Variants in DMD observed in about 807,000 individuals in gnomAD.
The protein encoded by DMD is dystrophin, also known as mutant dystrophin.
A neutral mutation model predicts 330.1 loss-of-function variants in DMD; 63 were observed. The ratio of observed to expected loss-of-function variants is 0.19; its 90% CI spans 0.16 to 0.24. The LOEUF (loss-of-function observed/expected upper bound fraction) is 0.24. Ranked by LOEUF, DMD falls within the 10% of genes least tolerant of loss-of-function variation. The pLI, the probability that DMD is intolerant of heterozygous loss-of-function variation, is 1.00. For missense variants in DMD, 3,344 were observed against 2,684.1 expected (o/e 1.25, Z -5.43); for synonymous variants, 1,223 against 959.8 (o/e 1.27, Z -5.07).
At chrX:32,241,429 C>A (rs746380692) in intron 43 of DMD, among the ~76,000 whole-genome samples, 2 of 112,629 alleles carry the variant, frequency 1.8e-5, no homozygotes, top group African/African-American at 6.4e-5. Flanking sequence ...CAAGCCATAG[C>A]GTCAGGCTAC....
chrX:32,479,581 G>A (rs1448502426), intron 21 of DMD, among the ~76,000 whole-genome samples: 2 of 110,172 alleles, frequency 1.8e-5, no homozygotes, highest in Non-Finnish European at 3.8e-5. Context: ...ATGTCCGCCA[G>A]TTCTATCTAC....
intron 67 of DMD, among the ~76,000 whole-genome samples, chrX:31,196,253 C>T (rs759464483): frequency 9.8e-4 from 109 of 111,714 alleles, no homozygotes; most frequent in Middle Eastern, 4.6e-3. Flanking sequence ...TGATATCTCT[C>T]AGCTTTTCAT....
At chrX:31,222,309 A>G (rs113154534) in intron 64 of DMD, among the ~76,000 whole-genome samples, 24,084 of 101,020 alleles carry the variant, frequency 0.24, 4,116 homozygotes, top group African/African-American at 0.59. Context: ...AATCACTTGA[A>G]CCTGGGAGGT....
intron 2 of DMD, among the ~76,000 whole-genome samples, chrX:32,923,335 G>A (rs1300055148): frequency 1.8e-5 from 2 of 110,719 alleles, no homozygotes; most frequent in Non-Finnish European, 3.8e-5. Flanking sequence ...CCAAGGCAGG[G>A]GGATCACTTG....
In DMD at chrX:32,949,182, G is replaced by C. The variant is rs1457483164; in HGVS notation, c.93+70957C>G. 2.7e-5 allele frequency among the ~76,000 whole-genome samples: 3 copies of C among 109,398 alleles called. No homozygotes were observed. The East Asian group carries it at 8.6e-4, about 31-fold the overall frequency. The allele number at this position is 109,398 out of a possible 115,157, so 95.0% of individuals were successfully genotyped here. Reference sequence around the variant, plus strand: ...TCTTGCTATGAAACCTAGAGGTAAAGTGTATGTGAAGTAAAACAGTATTTT... The same window carrying C: ...TCTTGCTATGAAACCTAGAGGTAAACTGTATGTGAAGTAAAACAGTATTTT... On this transcript the variant is annotated intron_variant, in intron 2 of 78. Transcript: ENST00000357033.
At chrX:32,627,907 T>C (rs1283294693) in intron 11 of DMD, among the ~76,000 whole-genome samples, 1 of 110,733 alleles carries the variant, frequency 9.0e-6, no homozygotes, top group Admixed American at 9.7e-5. Flanking sequence ...TAAATTTTTA[T>C]TTTTTTGGGT....
chrX:32,038,673 T>G (rs1158958378), intron 44 of DMD, among the ~76,000 whole-genome samples: 1 of 110,769 alleles, frequency 9.0e-6, no homozygotes, highest in Non-Finnish European at 1.9e-5. Context: ...ATACTTTTTT[T>G]TTTTTCAATT....
chrX:31,672,210 A>G (rs1271705484), intron 53 of DMD, among the ~76,000 whole-genome samples: 1 of 111,709 alleles, frequency 9.0e-6, no homozygotes, highest in Non-Finnish European at 1.9e-5. Flanking sequence ...GAACTCCCAA[A>G]TTTACATCTG....
intron 1 of DMD, chrX:33,129,165 T>C (rs1410783055): frequency 9.1e-6 from 1 of 110,410 alleles, no homozygotes; most frequent in Non-Finnish European, 1.9e-5. Flanking sequence ...CTCTTAAGTA[T>C]GTCAATCCCC....
At chrX:32,738,952 G>T (rs1603323080) in intron 7 of DMD, among the ~76,000 whole-genome samples, 1 of 111,667 alleles carries the variant, frequency 9.0e-6, no homozygotes, top group East Asian at 2.8e-4. Flanking sequence ...GCTTTTAAGG[G>T]ATTAAGGAGA....
chrX:32,904,732 C>A (rs906819610), intron 2 of DMD, among the ~76,000 whole-genome samples: 1 of 111,499 alleles, frequency 9.0e-6, no homozygotes, highest in Admixed American at 9.5e-5. Flanking sequence ...CACCACCACA[C>A]GCCCGGCTAA....
intron 7 of DMD, among the ~76,000 whole-genome samples, chrX:32,714,941 C>G (rs2065541019): frequency 9.0e-6 from 1 of 110,728 alleles, no homozygotes; most frequent in Admixed American, 9.6e-5. Flanking sequence ...ATAATCGTTC[C>G]CCCACCCTCT....
intron 1 of DMD, among the ~76,000 whole-genome samples, chrX:33,180,446 T>G (rs1476183935): frequency 2.7e-5 from 3 of 111,392 alleles, no homozygotes. Flanking sequence ...CACACACACA[T>G]GCACACACAT....
upstream of DMD, among the ~76,000 whole-genome samples, chrX:33,214,337 G>T (rs1369560965): frequency 9.0e-6 from 1 of 111,227 alleles, no homozygotes; most frequent in African/African-American, 3.3e-5. Flanking sequence ...TAGATCTACA[G>T]ATCTATCTAC....
chrX:33,132,509 G>A (rs2095505182), intron 1 of DMD, among the ~76,000 whole-genome samples: 1 of 112,447 alleles, frequency 8.9e-6, no homozygotes, highest in Non-Finnish European at 1.9e-5. Context: ...AAGTGGGGAG[G>A]ATGCCTCTTT....
intron 52 of DMD, among the ~76,000 whole-genome samples, chrX:31,702,178 G>A (rs2083859636): frequency 8.9e-6 from 1 of 111,862 alleles, no homozygotes; most frequent in African/African-American, 3.2e-5. Flanking sequence ...CTTAAATGTT[G>A]CTATTCCCTA....
At chrX:31,285,245 C>G (rs1362130258) in intron 62 of DMD, among the ~76,000 whole-genome samples, 1 of 111,878 alleles carries the variant, frequency 8.9e-6, no homozygotes, top group Non-Finnish European at 1.9e-5. Context: ...TGGAGAAGAA[C>G]AGTTATGCTA....
upstream of DMD, among the ~76,000 whole-genome samples, chrX:33,212,796 C>G (rs779485101): frequency 3.8e-4 from 43 of 111,804 alleles, no homozygotes; most frequent in African/African-American, 1.2e-3. Context: ...AGGTCACCTC[C>G]TTTCCTCTCA....
intron 29 of DMD, among the ~76,000 whole-genome samples, chrX:32,426,771 G>A (rs894614557): frequency 3.6e-5 from 4 of 111,633 alleles, no homozygotes; most frequent in Non-Finnish European, 5.6e-5. Flanking sequence ...GGAACACTAC[G>A]CAGCCACAAA....
Sources: allele counts gnomAD v4.1 joint callset (sites outside exome capture counted in the v4.1 genomes callset), GRCh38; gene constraint gnomAD v4.1.1; transcripts MANE v1.5; gene names NCBI Gene and HGNC (gene_info 2026-07-23, HGNC 2026-07-21).